The following STK24 variants were observed in gnomAD, a reference collection of about 807,000 sequenced individuals.
STK24 encodes the protein serine/threonine kinase 24, also known as serine/threonine-protein kinase 24.
Under a neutral mutation model 55.6 loss-of-function variants are expected in STK24, and 21 were observed. The ratio of observed to expected loss-of-function variants is 0.38; its 90% confidence interval spans 0.27 to 0.54. The LOEUF is 0.54. Ranked by LOEUF, STK24 falls within the 20% of genes least tolerant of loss-of-function variation. The probability of loss-of-function intolerance (pLI) is 0.79; values close to 1 mark genes in which losing one functional copy is unlikely to be tolerated. For missense variants in STK24, 383 were observed against 538.4 expected (o/e 0.71, Z 2.86); for synonymous variants, 200 against 215.2 (o/e 0.93, Z 0.62).
intron 1 of STK24, among the ~76,000 whole-genome samples, chr13:98,547,758 T>A (rs1440969082): frequency 2.0e-5 from 3 of 152,222 alleles, no homozygotes; most frequent in Non-Finnish European, 4.4e-5. Flanking sequence ...ATCAATTTAG[T>A]AAACTTCGCC....
intron 1 of STK24, among the ~76,000 whole-genome samples, chr13:98,532,066 C>G (rs973065355): frequency 9.2e-5 from 14 of 152,282 alleles, no homozygotes; most frequent in African/African-American, 3.4e-4. Context: ...CCCCACCCCC[C>G]ATCAGCTTAG....
chr13:98,503,081 C>G (rs1331866230), intron 2 of STK24, among the ~76,000 whole-genome samples: 4 of 126,616 alleles, frequency 3.2e-5, no homozygotes, highest in Non-Finnish European at 6.3e-5. Flanking sequence ...TAAATGTGCT[C>G]TAGGGGCTCC....
intron 2 of STK24, among the ~76,000 whole-genome samples, chr13:98,488,600 A>C (rs568194892): frequency 1.2e-3 from 184 of 152,236 alleles, no homozygotes; most frequent in African/African-American, 4.4e-3. Context: ...AGCTGCAAAC[A>C]CTAGCTTTTG....
chr13:98,541,021 G>A (rs929658967), intron 1 of STK24, among the ~76,000 whole-genome samples: 23 of 152,050 alleles, frequency 1.5e-4, no homozygotes, highest in African/African-American at 5.6e-4. Context: ...CAAAATAAGG[G>A]TTATCTACCC....
chr13:98,449,718 TAAA>T lies in STK24; in HGVS notation c.*3452_*3454del, dbSNP rs1045673331. ...CGGTTTCCAGTACTAACAAAGGGAA[TAAA>T]AATACCTCACGCCACAATCCAGCAT... is the stretch of plus-strand genomic sequence containing the variant. On this transcript the variant is annotated 3_prime_UTR_variant, in exon 11 of 11. Coordinates refer to ENST00000539966, the MANE Select transcript of STK24 (RefSeq NM_001032296.4). 7.0e-6 allele frequency: 1 copy of T among 143,752 alleles called. No homozygotes were observed. The highest frequency in any genetic ancestry group is 2.6e-5 in the African/African-American group (1 of 38,210). 8.9% of individuals were successfully genotyped at this position (143,752 alleles called of 1,614,324 possible). A position where few individuals can be genotyped will look rare whatever the true frequency, so the allele number is the denominator to read the frequency against.
chr13:98,560,231 T>C (rs1209729954), intron 1 of STK24, among the ~76,000 whole-genome samples: 2 of 152,212 alleles, frequency 1.3e-5, no homozygotes, highest in Non-Finnish European at 2.9e-5. Flanking sequence ...CAGCCAAGCA[T>C]CCACTCAACG....
intron 5 of STK24, among the ~76,000 whole-genome samples, chr13:98,472,851 C>T (rs1894204752): frequency 6.6e-6 from 1 of 152,104 alleles, no homozygotes; most frequent in Non-Finnish European, 1.5e-5. Context: ...TTTCAAAACA[C>T]CAATTAAAGC....
intron 2 of STK24, among the ~76,000 whole-genome samples, chr13:98,495,930 A>G (rs538360395): frequency 2.2e-4 from 34 of 152,336 alleles, no homozygotes; most frequent in Admixed American, 5.9e-4. Context: ...ATATTCCACA[A>G]AAGCTCAAGG....
At chr13:98,546,671 G>A (rs1897035875) in intron 1 of STK24, among the ~76,000 whole-genome samples, 1 of 152,142 alleles carries the variant, frequency 6.6e-6, no homozygotes, top group Non-Finnish European at 1.5e-5. Flanking sequence ...TACAAACGCA[G>A]GTGGGGCAGC....
chr13:98,564,894 C>T (rs1264471826), intron 1 of STK24, among the ~76,000 whole-genome samples: 1 of 152,124 alleles, frequency 6.6e-6, no homozygotes, highest in African/African-American at 2.4e-5. Context: ...AAATAAGGTT[C>T]CAAGGTCAAA....
chr13:98,574,559 G>A (rs572992777), intron 1 of STK24, among the ~76,000 whole-genome samples: 1 of 152,272 alleles, frequency 6.6e-6, no homozygotes, highest in South Asian at 2.1e-4. Flanking sequence ...GAGGAGAAAA[G>A]AATGTTCTTC....
intron 1 of STK24, among the ~76,000 whole-genome samples, chr13:98,541,158 C>A (rs1429925657): frequency 6.6e-6 from 1 of 152,160 alleles, no homozygotes; most frequent in African/African-American, 2.4e-5. Context: ...CACTTACATA[C>A]AAGAATATAT....
chr13:98,551,577 C>T (rs1897162059), intron 1 of STK24, among the ~76,000 whole-genome samples: 1 of 152,010 alleles, frequency 6.6e-6, no homozygotes, highest in Non-Finnish European at 1.5e-5. Context: ...GTCAGGCAAC[C>T]CAAACTGCAG....
At chr13:98,493,929 G>A (rs868769684) in intron 2 of STK24, among the ~76,000 whole-genome samples, 2 of 149,308 alleles carry the variant, frequency 1.3e-5, no homozygotes, top group South Asian at 2.1e-4. Context: ...TGCAAGCTCC[G>A]CCTCCCGGGT....
At chr13:98,490,709 G>C (rs186928889) in intron 2 of STK24, among the ~76,000 whole-genome samples, 246 of 152,104 alleles carry the variant, frequency 1.6e-3, no homozygotes, top group Non-Finnish European at 3.1e-3. Flanking sequence ...GAGAAAACCC[G>C]GATTGGACAA....
At chr13:98,529,353 G>A (rs1478159290) in intron 1 of STK24, among the ~76,000 whole-genome samples, 2 of 152,036 alleles carry the variant, frequency 1.3e-5, no homozygotes. Context: ...CTCCCCCACA[G>A]CAGCAGCCTC....
At chr13:98,514,048 T>C (rs1182723542) in intron 2 of STK24, among the ~76,000 whole-genome samples, 3 of 152,250 alleles carry the variant, frequency 2.0e-5, no homozygotes, top group Admixed American at 6.5e-5. Context: ...TAGACTGGTA[T>C]TTCTTCTCTG....
chr13:98,543,415 C>T (rs1896941522), intron 1 of STK24, among the ~76,000 whole-genome samples: 3 of 152,156 alleles, frequency 2.0e-5, no homozygotes. Context: ...CCCAAATTCC[C>T]GGTCTGCCCA....
intron 2 of STK24, among the ~76,000 whole-genome samples, chr13:98,490,840 A>AAC (rs1895000752): frequency 6.6e-6 from 1 of 151,950 alleles, no homozygotes; most frequent in African/African-American, 2.4e-5. Context: ...TAAAAAAAAA[A>AAC]AAAAAACAGA....
Sources: gnomAD v4.1 joint callset for allele counts (sites outside exome capture counted in the v4.1 genomes callset) on GRCh38, gnomAD v4.1.1 for gene constraint, MANE v1.5 for transcripts, NCBI Gene and HGNC (gene_info 2026-07-23, HGNC 2026-07-21) for gene names.